Variants in AGMAT observed in about 807,000 individuals in gnomAD.
AGMAT encodes guanidino acid hydrolase, mitochondrial.
In AGMAT, 37 loss-of-function variants were observed where a neutral mutation model predicts 29.3. The ratio of observed to expected loss-of-function variants is 1.26; its 90% confidence interval spans 0.97 to 1.66. The LOEUF (loss-of-function observed/expected upper bound fraction) is 1.66. AGMAT is among the 40% of genes most tolerant of loss of function. AGMAT has a pLI of 0.00. For synonymous variants in AGMAT, 199 were observed against 200.8 expected, an observed-to-expected ratio of 0.99 and a Z score of 0.08; for missense variants, 498 against 497.8, an observed-to-expected ratio of 1.00 and a Z score of 0.00.
Position 15,584,987 on chromosome 1 carries a change from C to G in AGMAT, c.-20G>C. ...CAGCATTGCCGCGCGCGGCCAAGAC[C>G]TCACCGACCAAACCGCCCGCGAGGC... is the stretch of plus-strand genomic sequence containing the variant. On this transcript the variant is annotated 5_prime_UTR_variant, in exon 1 of 7. Transcript: ENST00000375826. 3 of 1,298,078 alleles carry G rather than the reference C, an allele frequency of 2.3e-6. No homozygotes were observed. The highest frequency in any genetic ancestry group is 2.9e-6 in the Non-Finnish European group (3 of 1,027,944). The allele number at this position is 1,298,078 out of a possible 1,614,324, so 80.4% of individuals were successfully genotyped here. A position where few individuals can be genotyped will look rare whatever the true frequency, so the allele number is the denominator to read the frequency against.
chr1:15,583,219 G>C lies in AGMAT; in HGVS notation c.449C>G (p.Ala150Gly). The C allele has an allele frequency of 1.2e-6, 2 of 1,614,064 alleles. No individual in the cohort carries two copies. The highest frequency in any genetic ancestry group is 2.2e-5 in the South Asian group (2 of 91,074). Reference sequence around the variant, plus strand: ...CAAGGTCAGAGGAATACAGCCAGCTGCTACAATTTTCTCATAGGCCTCTTG... The same window carrying C: ...CAAGGTCAGAGGAATACAGCCAGCTCCTACAATTTTCTCATAGGCCTCTTG... ...RIQEAYEKIVAAGCIPLTLGG... is the reference protein window; with the variant it reads ...RIQEAYEKIVGAGCIPLTLGG... The change falls in exon 2 of 7, where the codon GCA (alanine) becomes GGA (glycine). Residue 150 changes from alanine to glycine, a missense_variant. By Grantham distance (60) the Ala-to-Gly change is moderately conservative. Coordinates refer to ENST00000375826, the MANE Select transcript of AGMAT (RefSeq NM_024758.5).
intron 4 of AGMAT, among the ~76,000 whole-genome samples, chr1:15,578,371 T>C (rs1310936572): frequency 6.6e-6 from 1 of 151,970 alleles, no homozygotes; most frequent in Non-Finnish European, 1.5e-5. Context: ...CTCAGCTCAC[T>C]GCAACCTCCA....
chr1:15,580,281 C>T, intron 2 of AGMAT, 139 bp from the exon 3 acceptor site: 1 of 674,646 alleles, frequency 1.5e-6, no homozygotes, highest in Non-Finnish European at 2.5e-6. Flanking sequence ...TCTCGGCTCA[C>T]TGCAACCTCT....
intron 5 of AGMAT, chr1:15,575,193 T>C (rs1213655778): frequency 1.1e-5 from 2 of 177,592 alleles, no homozygotes; most frequent in South Asian, 1.2e-4. Context: ...GTTCAAGGGA[T>C]AGGCCAGGCA....
At chr1:15,576,740 C>CTTTTTTTTTTTTTTTT (rs59203066) in intron 5 of AGMAT, among the ~76,000 whole-genome samples, 496 of 35,788 alleles carry the variant, frequency 0.014, 143 homozygotes, top group Middle Eastern at 0.062. Context: ...GTTTAGTGTT[C>CTTTTTTTTTTTTTTTT]TTTTTTTTTT....
At chr1:15,581,357 ATAAAT>A (rs1345626986) in intron 2 of AGMAT, among the ~76,000 whole-genome samples, 1 of 152,154 alleles carries the variant, frequency 6.6e-6, no homozygotes, top group Non-Finnish European at 1.5e-5. Flanking sequence ...TCAAAAATAA[ATAAAT>A]AAAAGAGGAA....
At chr1:15,582,658 A>C (rs61103742) in intron 2 of AGMAT, among the ~76,000 whole-genome samples, 49,074 of 152,086 alleles carry the variant, frequency 0.32, 9,415 homozygotes, top group African/African-American at 0.53. Context: ...CCTGAGCAGG[A>C]CAAAAACACC....
intron 5 of AGMAT, chr1:15,575,786 T>C (rs1385966478): frequency 1.3e-5 from 2 of 151,832 alleles, no homozygotes; most frequent in African/African-American, 4.9e-5. Context: ...AGACAGGGTC[T>C]CTGTCACCCG....
In AGMAT at chr1:15,585,024, G is replaced by T. The variant is rs905925785; in HGVS notation, c.-57C>A. 2 of 1,277,058 alleles carry T rather than the reference G, an allele frequency of 1.6e-6. No individual in the cohort carries two copies. The highest frequency in any genetic ancestry group is 3.2e-5 in the East Asian group (1 of 31,244). The allele number at this position is 1,277,058 out of a possible 1,614,324, so 79.1% of individuals were successfully genotyped here. On this transcript the variant is annotated 5_prime_UTR_variant, in exon 1 of 7. Transcript: ENST00000375826. ...ACCGCCCGCGAGGCCGCCGCGATCT[G>T]GCTGGTCCCGAACGGCGAGGCGAGT... is the stretch of plus-strand genomic sequence containing the variant.
chr1:15,573,467 T>C lies in AGMAT; in HGVS notation c.*184A>G, dbSNP rs547257359. On this transcript the variant is annotated 3_prime_UTR_variant, in exon 7 of 7. Transcript: ENST00000375826. ...TTTTTTTCCCCCAATTAATCCAAGT[T>C]CCTTAGAAATGTTGCTGTTTGGGTG... The C allele has an allele frequency of 2.0e-5, 11 of 541,258 alleles. No individual in the cohort carries two copies. The highest frequency in any genetic ancestry group is 1.9e-4 in the African/African-American group (10 of 52,766). 33.5% of individuals were successfully genotyped at this position (541,258 alleles called of 1,614,324 possible).
At chr1:15,578,519 T>C (rs1639069688) in intron 4 of AGMAT, among the ~76,000 whole-genome samples, 1 of 152,000 alleles carries the variant, frequency 6.6e-6, no homozygotes, top group East Asian at 1.9e-4. Flanking sequence ...GGTCTCGAAC[T>C]CCTGACCTCA....
In AGMAT at chr1:15,583,333, C is replaced by G. The variant is rs1639141948; in HGVS notation, c.335G>C (p.Gly112Ala). 1 of 1,613,996 alleles carries G rather than the reference C, an allele frequency of 6.2e-7. No individual in the cohort carries two copies. Among genetic ancestry groups the G allele is most frequent in the Admixed American group, 1.7e-5 (1 of 59,990 alleles). Reference sequence around the variant, plus strand: ...CATGAGGGACTGGAAGGGGAGGGCCCCCGTGCTAGGATTGACTGTCCCAAG... The same window carrying G: ...CATGAGGGACTGGAAGGGGAGGGCCGCCGTGCTAGGATTGACTGTCCCAAG... ...VMLGTVNPST[G>A]ALPFQSLMVA... Residue 112 changes from glycine to alanine, a missense_variant, in exon 2 of 7, where the codon GGG becomes GCG. By Grantham distance (60) the Gly-to-Ala change is moderately conservative. Coordinates refer to ENST00000375826, the MANE Select transcript of AGMAT (RefSeq NM_024758.5).
At position 15,585,019 on chromosome 1, in the gene AGMAT, G is replaced by T. The variant is rs1485557029; in HGVS notation, c.-52C>A. ...ACCAAACCGCCCGCGAGGCCGCCGC[G>T]ATCTGGCTGGTCCCGAACGGCGAGG... On this transcript the variant is annotated 5_prime_UTR_variant, in exon 1 of 7. Transcript: ENST00000375826. The T allele has an allele frequency of 9.4e-6, 12 of 1,281,626 alleles. No individual in the cohort carries two copies. Among genetic ancestry groups the T allele is most frequent in the Non-Finnish European group, 1.1e-5 (11 of 1,017,712 alleles). 79.4% of individuals were successfully genotyped at this position (1,281,626 alleles called of 1,614,324 possible). A position where few individuals can be genotyped will look rare whatever the true frequency, so the allele number is the denominator to read the frequency against.
At position 15,584,930 on chromosome 1, in the gene AGMAT, G is replaced by C; in HGVS notation, c.38C>G (p.Pro13Arg). The change falls in exon 1 of 7, where the codon CCG becomes CGG. Residue 13 changes from proline (P) to arginine (R), a missense_variant. Transcript: ENST00000375826. ...AGGACGCGCGCCCACGCCGGGCCCC[G>C]GGCCCCGGGCGCACCCGGACGCCAG... ...RLLASGCARG[P>R]GPGVGARPAA... The C allele has an allele frequency of 7.3e-7, 1 of 1,370,064 alleles. No individual in the cohort carries two copies. Among genetic ancestry groups the C allele is most frequent in the Non-Finnish European group, 9.3e-7 (1 of 1,070,128 alleles). 84.9% of individuals were successfully genotyped at this position (1,370,064 alleles called of 1,614,324 possible).
chr1:15,572,819 A>AT lies in AGMAT; in HGVS notation c.*831dup, dbSNP rs58974289. 3,373 of 126,364 alleles carry AT rather than the reference A, an allele frequency of 0.027. 91 individuals carry two copies. The highest frequency in any genetic ancestry group is 0.068 in the African/African-American group (2,320 of 34,174). 7.8% of individuals were successfully genotyped at this position (126,364 alleles called of 1,614,324 possible). A position where few individuals can be genotyped will look rare whatever the true frequency, so the allele number is the denominator to read the frequency against. On this transcript the variant is annotated 3_prime_UTR_variant, in exon 7 of 7. Transcript: ENST00000375826. The stretch of plus-strand genomic sequence containing the variant: ...CTAAGCACCTCATAGGAGAAGCTGT[A>AT]TTTTTTTTTTTTTTTTTTGAGATGG...
intron 5 of AGMAT, 84 bp downstream of exon 5, chr1:15,577,601 T>A (rs1282767974): frequency 1.5e-6 from 2 of 1,372,052 alleles, no homozygotes; most frequent in African/African-American, 2.9e-5. Context: ...CCTATCCTGA[T>A]TCCTAAAGAT....
In AGMAT at chr1:15,574,829, T is replaced by C; in HGVS notation, c.913A>G (p.Ile305Val). ...GLTPSQALEI[I>V]RGCQGLNVMG... ...ACGTTCAGGCCTTGACAACCCCTGA[T>C]GATCTCCAGAGCCTATTCAAGATCA... The change falls in exon 6 of 7, where the codon ATC becomes GTC. Residue 305 changes from isoleucine to valine, a missense_variant. Ile to Val is a conservative substitution (Grantham distance 29, BLOSUM62 3). Transcript: ENST00000375826. 6.2e-7 allele frequency: 1 copy of C among 1,613,862 alleles called. No homozygotes were observed. Among genetic ancestry groups the C allele is most frequent in the South Asian group, 1.1e-5 (1 of 91,074 alleles).
At chr1:15,583,163 A>T in intron 2 of AGMAT, 30 bp downstream of exon 2, 1 of 1,608,450 alleles carries the variant, frequency 6.2e-7, no homozygotes, top group Non-Finnish European at 8.5e-7. Flanking sequence ...AGTGCAGGGA[A>T]CTACTCTGGC....
At chr1:15,581,151 C>CAG (rs1423410966) in intron 2 of AGMAT, among the ~76,000 whole-genome samples, 72 of 152,142 alleles carry the variant, frequency 4.7e-4, no homozygotes, top group Admixed American at 4.7e-3. Context: ...AATTCAAGGT[C>CAG]CACCTGGGTA....
Sources: gnomAD v4.1 joint callset for allele counts (sites outside exome capture counted in the v4.1 genomes callset) on GRCh38, gnomAD v4.1.1 for gene constraint, MANE v1.5 for transcripts, NCBI Gene and HGNC (gene_info 2026-07-23, HGNC 2026-07-21) for gene names.